TFB1M: variants seen among roughly 807,000 people sequenced by gnomAD.
The protein encoded by TFB1M is dimethyladenosine transferase 1, mitochondrial.
A neutral mutation model predicts 31.1 loss-of-function variants in TFB1M; 27 were observed. The observed-to-expected ratio is 0.87, with a 90% confidence interval of 0.64 to 1.20. The LOEUF (loss-of-function observed/expected upper bound fraction) is 1.20, where lower values mean the gene tolerates loss of function less well. Among genes scored for constraint, TFB1M ranks in the 50% most tolerant of loss-of-function variants. TFB1M has a pLI of 0.00. For synonymous variants in TFB1M, 166 were observed against 151.8 expected, an observed-to-expected ratio of 1.09 and a Z score of -0.69; for missense variants, 394 against 418.7, an observed-to-expected ratio of 0.94 and a Z score of 0.51.
intron 4 of TFB1M, among the ~76,000 whole-genome samples, chr6:155,291,210 CAT>C (rs1191285553): frequency 6.6e-6 from 1 of 152,160 alleles, no homozygotes; most frequent in African/African-American, 2.4e-5. Context: ...ACACTAAAAA[CAT>C]GTGGACAGTG....
chr6:155,276,004 C>G, intron 5 of TFB1M: 1 of 1,614,176 alleles, frequency 6.2e-7, no homozygotes, highest in Non-Finnish European at 8.5e-7. Flanking sequence ...CTTTGGGGAT[C>G]TGCACTTCCA....
intron 5 of TFB1M, chr6:155,275,939 C>T (rs1388046032): frequency 6.2e-7 from 1 of 1,614,144 alleles, no homozygotes; most frequent in Non-Finnish European, 8.5e-7. Flanking sequence ...TCTGTCCCTC[C>T]CCATCCACGT....
rs145782457 is a variant in TFB1M at position 155,261,331 on chromosome 6, C to T, written c.667-931G>A. Among the ~76,000 whole-genome samples the T allele has an allele frequency of 8.3e-3, 1,257 of 152,260 alleles. 17 individuals are homozygous for T. The highest frequency in any genetic ancestry group is 0.029 in the African/African-American group (1,197 of 41,542). ...GATCTCATACAGACTCAACAAAAGG[C>T]GAAGAAAGTACGGCAATTTAGGAGG... is the stretch of plus-strand genomic sequence containing the variant. On this transcript the variant is annotated intron_variant, in intron 5 of 6. Transcript: ENST00000367166.
chr6:155,308,981 T>A (rs1777903491), intron 2 of TFB1M, among the ~76,000 whole-genome samples: 1 of 152,222 alleles, frequency 6.6e-6, no homozygotes, highest in Non-Finnish European at 1.5e-5. Context: ...CATTTCTTTT[T>A]AAGGCAAATT....
chr6:155,314,128 C>T (rs757803314), intron 1 of TFB1M, 168 bp downstream of exon 1: 23 of 1,496,542 alleles, frequency 1.5e-5, no homozygotes, highest in Non-Finnish European at 2.0e-5. Flanking sequence ...TCACGTGTCT[C>T]CTGGGCGGTG....
At chr6:155,290,034 C>A (rs1776835382) in intron 4 of TFB1M, among the ~76,000 whole-genome samples, 1 of 151,994 alleles carries the variant, frequency 6.6e-6, no homozygotes, top group Non-Finnish European at 1.5e-5. Flanking sequence ...CCAATTAAAC[C>A]TTTTTTTTAA....
Position 155,314,425 on chromosome 6 carries a change from C to G in TFB1M, c.4G>C (p.Ala2Pro), listed in dbSNP as rs751417356. Residue 2 changes from alanine (A) to proline (P), a missense_variant, in exon 1 of 7, where the codon GCT becomes CCT. By Grantham distance (27) the Ala-to-Pro change is conservative (BLOSUM62 -1). This residue lies in a region of TFB1M where 273 missense variants were observed against 256.4 expected (regional missense o/e 1.06). Transcript: ENST00000367166. Reference sequence around the variant, plus strand: ...CAAGTGCTGAGTTTTCCGGAGGCAGCCATGATACGCGGCAAGCACCATCCA... The same window carrying G: ...CAAGTGCTGAGTTTTCCGGAGGCAGGCATGATACGCGGCAAGCACCATCCA... Reference protein sequence around the residue: MAASGKLSTCRL... With the variant: MPASGKLSTCRL... 1.4e-5 allele frequency: 22 copies of G among 1,614,042 alleles called. No homozygotes were observed. The highest frequency in any genetic ancestry group is 1.8e-5 in the Non-Finnish European group (21 of 1,180,002).
At chr6:155,236,492 A>G in the TFB1M span, among the ~76,000 whole-genome samples, 17 of 151,972 alleles carry the variant, frequency 1.1e-4, no homozygotes, top group Non-Finnish European at 2.9e-5. Flanking sequence ...GCAAAACCCC[A>G]TCTCTACTAA....
At chr6:155,311,134 T>C (rs1777997581) in intron 2 of TFB1M, 54 bp downstream of exon 2, 4 of 1,601,902 alleles carry the variant, frequency 2.5e-6, no homozygotes, top group South Asian at 1.1e-5. Context: ...CATCATGGCA[T>C]AAAGATTTAA....
At chr6:155,289,150 C>T (rs991650441) in intron 4 of TFB1M, among the ~76,000 whole-genome samples, 3 of 151,756 alleles carry the variant, frequency 2.0e-5, no homozygotes, top group African/African-American at 7.3e-5. Context: ...AGCCATATAT[C>T]AGGGACAATG....
chr6:155,279,410 A>C (rs1785384902), intron 5 of TFB1M, among the ~76,000 whole-genome samples: 2 of 152,162 alleles, frequency 1.3e-5, no homozygotes, highest in African/African-American at 4.8e-5. Flanking sequence ...CAGCAGTTGT[A>C]AAGGTCTGGG....
intron 4 of TFB1M, among the ~76,000 whole-genome samples, chr6:155,287,203 T>C (rs1776697850): frequency 6.6e-6 from 1 of 152,100 alleles, no homozygotes; most frequent in Admixed American, 6.5e-5. Context: ...AGGAAATCTG[T>C]ACAAGCATTT....
chr6:155,272,574 G>C (rs142006813), intron 5 of TFB1M, among the ~76,000 whole-genome samples: 375 of 152,042 alleles, frequency 2.5e-3, no homozygotes, highest in African/African-American at 8.5e-3. Context: ...CTACGAGATA[G>C]AAATTTTGAG....
intron 2 of TFB1M, among the ~76,000 whole-genome samples, chr6:155,305,354 G>A (rs187511269): frequency 0.035 from 409 of 11,830 alleles, 92 homozygotes; most frequent in East Asian, 1. Context: ...ATATTAAATT[G>A]TATATTTATA....
intron 5 of TFB1M, among the ~76,000 whole-genome samples, chr6:155,265,160 G>A (rs529342773): frequency 6.6e-6 from 1 of 152,284 alleles, no homozygotes; most frequent in East Asian, 1.9e-4. Context: ...GATGTGGCAG[G>A]AGCTGCCTGA....
At chr6:155,289,706 T>C (rs889307795) in intron 4 of TFB1M, among the ~76,000 whole-genome samples, 1 of 152,184 alleles carries the variant, frequency 6.6e-6, no homozygotes, top group Admixed American at 6.5e-5. Flanking sequence ...CAAGAGTAAA[T>C]GGCATATAAG....
intron 5 of TFB1M, among the ~76,000 whole-genome samples, chr6:155,276,909 G>A (rs1433852463): frequency 6.6e-6 from 1 of 152,206 alleles, no homozygotes; most frequent in Non-Finnish European, 1.5e-5. Flanking sequence ...CACCTCCTGT[G>A]ACCAGCCCAT....
chr6:155,299,444 CA>C (rs1777331402), intron 2 of TFB1M: 1 of 152,140 alleles, frequency 6.6e-6, no homozygotes, highest in South Asian at 2.1e-4. Flanking sequence ...ATGCCCAACA[CA>C]AAACTGATTC....
At chr6:155,247,991 T>C in the TFB1M span, 2 of 1,612,824 alleles carry the variant, frequency 1.2e-6, no homozygotes, top group South Asian at 2.2e-5. Flanking sequence ...TTTATCCATC[T>C]GCTTGTAGCT....
Sources: gnomAD v4.1 joint callset for allele counts (sites outside exome capture counted in the v4.1 genomes callset) on GRCh38, gnomAD v4.1.1 for gene constraint, gnomAD v4.1.1 regional missense constraint, MANE v1.5 for transcripts, NCBI Gene and HGNC (gene_info 2026-07-23, HGNC 2026-07-21) for gene names.